The following ROBO1 variants were observed in gnomAD, a reference collection of about 807,000 sequenced individuals.
ROBO1 encodes the protein roundabout guidance receptor 1.
ROBO1 carries 149 observed loss-of-function variants against 195.9 expected under a neutral mutation model. The observed-to-expected ratio is 0.76, with a 90% confidence interval of 0.67 to 0.87. The LOEUF (loss-of-function observed/expected upper bound fraction) is 0.87, where lower values mean the gene tolerates loss of function less well. ROBO1 is among the 40% of genes least tolerant of loss of function. The probability of loss-of-function intolerance (pLI) is 0.00; values close to 1 mark genes in which losing one functional copy is unlikely to be tolerated. For synonymous variants in ROBO1, 816 were observed against 733.2 expected, an observed-to-expected ratio of 1.11 and a Z score of -1.82; for missense variants, 1,933 against 2,068.3, an observed-to-expected ratio of 0.93 and a Z score of 1.27.
intron 1 of ROBO1, among the ~76,000 whole-genome samples, chr3:79,700,584 A>T (rs983241739): frequency 6.6e-6 from 1 of 151,710 alleles, no homozygotes; most frequent in Non-Finnish European, 1.5e-5. Context: ...CTGGTGTGAG[A>T]TGGTGCCTTA....
intron 2 of ROBO1, among the ~76,000 whole-genome samples, chr3:79,328,783 T>G (rs960169828): frequency 1.8e-4 from 28 of 152,002 alleles, no homozygotes; most frequent in Non-Finnish European, 3.1e-4. Context: ...TCTCCCACCT[T>G]TCCCCCGTCA....
At chr3:79,204,645 C>T (rs552683821) in intron 2 of ROBO1, among the ~76,000 whole-genome samples, 8 of 152,260 alleles carry the variant, frequency 5.3e-5, no homozygotes, top group African/African-American at 1.9e-4. Context: ...GATGACTGCA[C>T]AACTCTACAC....
At chr3:79,142,767 C>T (rs2080553787) in intron 2 of ROBO1, among the ~76,000 whole-genome samples, 1 of 151,974 alleles carries the variant, frequency 6.6e-6, no homozygotes, top group Non-Finnish European at 1.5e-5. Flanking sequence ...TAAAGCATTC[C>T]CATTTTCCTG....
At chr3:79,050,638 A>C (rs1447236648) in intron 3 of ROBO1, among the ~76,000 whole-genome samples, 1 of 152,202 alleles carries the variant, frequency 6.6e-6, no homozygotes, top group Non-Finnish European at 1.5e-5. Context: ...ACTTATTCTA[A>C]AATTGACCAT....
chr3:79,166,380 A>G (rs1487191249), intron 2 of ROBO1, among the ~76,000 whole-genome samples: 1 of 152,116 alleles, frequency 6.6e-6, no homozygotes, highest in African/African-American at 2.4e-5. Context: ...TACTCATCTT[A>G]TACCTTCAAT....
intron 3 of ROBO1, among the ~76,000 whole-genome samples, chr3:78,972,956 A>G (rs1175711929): frequency 6.6e-6 from 1 of 152,204 alleles, no homozygotes; most frequent in East Asian, 1.9e-4. Flanking sequence ...CAGAAAAAAG[A>G]TTTGTCTGTA....
At chr3:79,248,467 A>G (rs988836389) in intron 2 of ROBO1, among the ~76,000 whole-genome samples, 4 of 151,972 alleles carry the variant, frequency 2.6e-5, no homozygotes, top group Non-Finnish European at 5.9e-5. Flanking sequence ...AAAACAAAAG[A>G]CTGACAGAAA....
At chr3:79,236,670 C>T (rs923290260) in intron 2 of ROBO1, among the ~76,000 whole-genome samples, 2 of 152,028 alleles carry the variant, frequency 1.3e-5, no homozygotes, top group Non-Finnish European at 2.9e-5. Flanking sequence ...GTGGTATTTG[C>T]AGAGACATAT....
intron 1 of ROBO1, among the ~76,000 whole-genome samples, chr3:79,719,468 A>AC (rs1382828213): frequency 1.3e-5 from 2 of 152,144 alleles, no homozygotes; most frequent in African/African-American, 2.4e-5. Flanking sequence ...CAGAAGGAAA[A>AC]CTTTTGTGAA....
chr3:79,623,540 A>G (rs571836755), intron 1 of ROBO1, among the ~76,000 whole-genome samples: 2 of 152,354 alleles, frequency 1.3e-5, no homozygotes, highest in East Asian at 3.9e-4. Context: ...TGAGAACTTC[A>G]TGAAGCATAC....
In ROBO1 at chr3:79,656,892, G is replaced by C. The variant is rs187363954; in HGVS notation, c.-50-66931C>G. Among the ~76,000 whole-genome samples, 5 of 113,208 alleles carry C rather than the reference G, an allele frequency of 4.4e-5. No individual in the cohort carries two copies. In the East Asian group the frequency reaches 1.2e-3, roughly 28 times the overall value. 74.3% of individuals were successfully genotyped at this position (113,208 alleles called of 152,430 possible). A position where few individuals can be genotyped will look rare whatever the true frequency, so the allele number is the denominator to read the frequency against. On this transcript the variant is annotated intron_variant, in intron 1 of 30. Coordinates refer to ENST00000464233, the MANE Select transcript of ROBO1 (RefSeq NM_002941.4). The stretch of plus-strand genomic sequence containing the variant: ...GGCTTGGAGGACAGAGCAAGACCTT[G>C]TCTCAAAGAAAAAAAATAATGCTCT...
At chr3:79,646,527 T>C (rs1486229237) in intron 1 of ROBO1, among the ~76,000 whole-genome samples, 2 of 152,086 alleles carry the variant, frequency 1.3e-5, no homozygotes, top group Non-Finnish European at 2.9e-5. Flanking sequence ...AGAACTACCA[T>C]ATGATCCAGC....
chr3:79,148,819 G>A (rs2080707169), intron 2 of ROBO1, among the ~76,000 whole-genome samples: 1 of 151,840 alleles, frequency 6.6e-6, no homozygotes, highest in Non-Finnish European at 1.5e-5. Context: ...TAATAAGAAT[G>A]ATCAATTAGA....
At chr3:78,972,500 G>A (rs1455702560) in intron 3 of ROBO1, among the ~76,000 whole-genome samples, 1 of 152,046 alleles carries the variant, frequency 6.6e-6, no homozygotes, top group African/African-American at 2.4e-5. Flanking sequence ...CTCTGGTCAG[G>A]GCTGTACTAA....
chr3:78,890,871 C>T (rs561343245), intron 4 of ROBO1, among the ~76,000 whole-genome samples: 1 of 152,174 alleles, frequency 6.6e-6, no homozygotes, highest in African/African-American at 2.4e-5. Context: ...AAGTGATCCC[C>T]GTGCCTCAGC....
At position 78,839,421 on chromosome 3, in the gene ROBO1, C is replaced by T. The variant is rs532190774; in HGVS notation, c.500-92521G>A. Among the ~76,000 whole-genome samples the T allele has an allele frequency of 3.6e-5, 5 of 140,568 alleles. No individual in the cohort carries two copies. In the South Asian group the frequency reaches 1.0e-3, roughly 29 times the overall value. The allele number at this position is 140,568 out of a possible 152,430, so 92.2% of individuals were successfully genotyped here. On this transcript the variant is annotated intron_variant, in intron 4 of 30. Coordinates refer to ENST00000464233, the MANE Select transcript of ROBO1 (RefSeq NM_002941.4). ...GTACTGAATATTCTTTTTTTCATTA[C>T]TATGAAAAAAGAATATTTTTTTTCA...
intron 2 of ROBO1, among the ~76,000 whole-genome samples, chr3:79,410,133 G>A (rs531056339): frequency 6.6e-6 from 1 of 152,188 alleles, no homozygotes; most frequent in South Asian, 2.1e-4. Context: ...CGGAGTGAAT[G>A]TTTCTGACAA....
intron 2 of ROBO1, among the ~76,000 whole-genome samples, chr3:79,560,128 A>G (rs1031093408): frequency 1.3e-5 from 2 of 151,994 alleles, no homozygotes; most frequent in African/African-American, 4.8e-5. Context: ...TTTCTATATC[A>G]AGGAGAGAAT....
intron 2 of ROBO1, among the ~76,000 whole-genome samples, chr3:79,368,012 G>A (rs541652211): frequency 5.1e-4 from 77 of 152,098 alleles, no homozygotes; most frequent in Admixed American, 9.8e-4. Context: ...TATGATCTCC[G>A]CTCACTGCAA....
Sources: gnomAD v4.1 joint callset for allele counts (sites outside exome capture counted in the v4.1 genomes callset) on GRCh38, gnomAD v4.1.1 for gene constraint, MANE v1.5 for transcripts, NCBI Gene and HGNC (gene_info 2026-07-23, HGNC 2026-07-21) for gene names.